The following DLG4 variants were observed in gnomAD, a reference collection of about 807,000 sequenced individuals.
DLG4 encodes discs large MAGUK scaffold protein 4.
Under a neutral mutation model 93.8 loss-of-function variants are expected in DLG4, and 7 were observed. That is an observed-to-expected ratio of 0.07 (90% CI 0.04 to 0.14). DLG4 has a LOEUF of 0.14. DLG4 is among the 10% of genes least tolerant of loss of function. The probability of loss-of-function intolerance (pLI) is 1.00; values close to 1 mark genes in which losing one functional copy is unlikely to be tolerated. For synonymous variants in DLG4, 341 were observed against 387.6 expected, an observed-to-expected ratio of 0.88 and a Z score of 1.41; for missense variants, 545 against 992.9, an observed-to-expected ratio of 0.55 and a Z score of 6.06.
At chr17:7,219,488 G>T, upstream of DLG4, 4 of 1,041,256 alleles carry the variant, frequency 3.8e-6, no homozygotes, top group Non-Finnish European at 4.6e-6. Flanking sequence ...ACCCTAGCTT[G>T]GGTGCCCCCC....
At chr17:7,219,601 C>G, upstream of DLG4, 1 of 1,174,442 alleles carries the variant, frequency 8.5e-7, no homozygotes, top group South Asian at 1.9e-5. Context: ...TTACACTTCT[C>G]TTTCCCTACT....
At position 7,208,295 on chromosome 17, in the gene DLG4, C is replaced by T. The variant is rs2070570562; in HGVS notation, c.31-56G>A. On this transcript the variant is annotated intron_variant, in intron 1 of 19. Transcript: ENST00000399506. The surrounding 1 kb of genome is among the most constrained non-coding windows in gnomAD (Gnocchi z 5.4). ...CCAGCCCGGTGCCTCAGGCTCCAGG[C>T]TGGCCGCCCTGGCCGCCGCCTCTTC... The T allele has an allele frequency of 2.3e-6, 3 of 1,290,088 alleles. No individual in the cohort carries two copies. The highest frequency in any genetic ancestry group is 9.9e-7 in the Non-Finnish European group (1 of 1,007,042). The allele number at this position is 1,290,088 out of a possible 1,614,324, so 79.9% of individuals were successfully genotyped here. A position where few individuals can be genotyped will look rare whatever the true frequency, so the allele number is the denominator to read the frequency against.
intron 8 of DLG4, chr17:7,202,582 A>T: frequency 2.1e-6 from 1 of 477,782 alleles, no homozygotes; most frequent in Non-Finnish European, 3.7e-6. Context: ...CTGGCCTTAT[A>T]AAATGAAATG....
chr17:7,219,590 C>T, upstream of DLG4: 1 of 1,162,222 alleles, frequency 8.6e-7, no homozygotes, highest in South Asian at 1.9e-5. Context: ...TGCCATCTAC[C>T]TTACACTTCT....
At chr17:7,198,372 A>G (rs1231053891) in intron 8 of DLG4, among the ~76,000 whole-genome samples, 1 of 151,776 alleles carries the variant, frequency 6.6e-6, no homozygotes, top group Non-Finnish European at 1.5e-5. Context: ...AATCTCAGGT[A>G]CTCGGGAGGC....
In DLG4 at chr17:7,217,103, C is replaced by A; in HGVS notation, c.30+15G>T. 1 of 1,287,432 alleles carries A rather than the reference C, an allele frequency of 7.8e-7. No homozygotes were observed. The highest frequency in any genetic ancestry group is 1.5e-5 in the African/African-American group (1 of 65,042). 79.8% of individuals were successfully genotyped at this position (1,287,432 alleles called of 1,614,324 possible). A position where few individuals can be genotyped will look rare whatever the true frequency, so the allele number is the denominator to read the frequency against. ...ATACCCTCCCCCCAGTTTATAGCCC[C>A]CCCATCATGCTTACCTTGGTTGTCA... On this transcript the variant is annotated intron_variant, in intron 1 of 19. Coordinates refer to ENST00000399506, the MANE Select transcript of DLG4 (RefSeq NM_001321075.3).
chr17:7,218,985 G>A, upstream of DLG4: 1 of 882,522 alleles, frequency 1.1e-6, no homozygotes, highest in Non-Finnish European at 1.8e-6. Context: ...AGGTCCCAAG[G>A]CACCAGCACC....
chr17:7,199,565 C>T (rs1417287494), intron 8 of DLG4, among the ~76,000 whole-genome samples: 1 of 152,032 alleles, frequency 6.6e-6, no homozygotes, highest in African/African-American at 2.4e-5. Flanking sequence ...TTTCACTGGA[C>T]AGTAGAAGCA....
rs1044980757 is a variant in DLG4, at chr17:7,195,804, C to T, written c.1301+416G>A. 2.6e-5 allele frequency among the ~76,000 whole-genome samples: 4 copies of T among 152,136 alleles called. No individual in the cohort carries two copies. In the South Asian group the frequency reaches 6.2e-4, roughly 24 times the overall value. On this transcript the variant is annotated intron_variant, in intron 11 of 19. Transcript: ENST00000399506. The surrounding 1 kb of genome is among the most constrained non-coding windows in gnomAD (Gnocchi z 4.3). ...GAGCCCTAAGAGGGGAGCAAAATGCCGCTGGAGAGACGGGGGCAGGCACCA... is the reference window on the plus strand; with the variant it reads ...GAGCCCTAAGAGGGGAGCAAAATGCTGCTGGAGAGACGGGGGCAGGCACCA...
At chr17:7,206,439 C>G (rs1018603177) in intron 2 of DLG4, among the ~76,000 whole-genome samples, 1 of 151,920 alleles carries the variant, frequency 6.6e-6, no homozygotes, top group African/African-American at 2.4e-5. Context: ...ATGCTTATGG[C>G]CTCCAACACT....
In DLG4 at chr17:7,217,580, A is replaced by C; in HGVS notation, c.-433T>G. ...GTGGGGTGGGGGGGTTGGAAACGGC[A>C]GCGGCCGAGGGAGCCGTGGAGCCGA... On this transcript the variant is annotated 5_prime_UTR_variant, in exon 1 of 20. Transcript: ENST00000399506. The C allele has an allele frequency of 7.8e-7, 1 of 1,289,134 alleles. No homozygotes were observed. Among genetic ancestry groups the C allele is most frequent in the Non-Finnish European group, 1.0e-6 (1 of 1,004,084 alleles). The allele number at this position is 1,289,134 out of a possible 1,614,324, so 79.9% of individuals were successfully genotyped here.
At chr17:7,219,366 T>A, upstream of DLG4, 1 of 1,006,410 alleles carries the variant, frequency 9.9e-7, no homozygotes, top group Non-Finnish European at 1.2e-6. Flanking sequence ...CTCAGAGGCT[T>A]TACTAAGGGA....
chr17:7,204,385 T>G, intron 2 of DLG4, 133 bp from the exon 3 acceptor site: 1 of 802,534 alleles, frequency 1.2e-6, no homozygotes, highest in Non-Finnish European at 2.0e-6. Flanking sequence ...TGAGAGCTGC[T>G]CAAGGGCCCA....
rs2069512056 is a variant in DLG4, at chr17:7,191,777, G to A, written c.1976+116C>T. On this transcript the variant is annotated intron_variant, in intron 18 of 19. Coordinates refer to ENST00000399506, the MANE Select transcript of DLG4 (RefSeq NM_001321075.3). This position sits in a 1 kb window ranked among gnomAD's most constrained non-coding sequence, Gnocchi z 6.6. ...CTGGGTTCCAGGGATCCCCCTCAGGGGCTGCTGAAACCGCTGTCCAGGGTT... is the reference window on the plus strand; with the variant it reads ...CTGGGTTCCAGGGATCCCCCTCAGGAGCTGCTGAAACCGCTGTCCAGGGTT... 2.8e-6 allele frequency: 2 copies of A among 726,444 alleles called. No homozygotes were observed. Among genetic ancestry groups the A allele is most frequent in the African/African-American group, 3.5e-5 (2 of 56,940 alleles). 45.0% of individuals were successfully genotyped at this position (726,444 alleles called of 1,614,324 possible). A position where few individuals can be genotyped will look rare whatever the true frequency, so the allele number is the denominator to read the frequency against.
chr17:7,218,295 A>G (rs778218544), upstream of DLG4: 4 of 1,606,704 alleles, frequency 2.5e-6, no homozygotes, highest in South Asian at 1.1e-5. Flanking sequence ...TCACAGGAAC[A>G]GAACTGAGTT....
Position 7,217,102 on chromosome 17 carries a change from C to T in DLG4, c.30+16G>A. On this transcript the variant is annotated intron_variant, in intron 1 of 19. Transcript: ENST00000399506. The stretch of plus-strand genomic sequence containing the variant: ...CATACCCTCCCCCCAGTTTATAGCC[C>T]CCCCATCATGCTTACCTTGGTTGTC... The T allele has an allele frequency of 7.8e-7, 1 of 1,286,930 alleles. No homozygotes were observed. The highest frequency in any genetic ancestry group is 9.9e-7 in the Non-Finnish European group (1 of 1,015,140). 79.7% of individuals were successfully genotyped at this position (1,286,930 alleles called of 1,614,324 possible). A position where few individuals can be genotyped will look rare whatever the true frequency, so the allele number is the denominator to read the frequency against.
chr17:7,205,809 G>A (rs428810), intron 2 of DLG4, among the ~76,000 whole-genome samples: 10 of 126,982 alleles, frequency 7.9e-5, no homozygotes, highest in Non-Finnish European at 1.5e-4. Context: ...CCCGCAGCCC[G>A]TCCTCCATCC....
At position 7,208,558 on chromosome 17, in the gene DLG4, T is replaced by C. The variant is rs2070585540; in HGVS notation, c.31-319A>G. On this transcript the variant is annotated intron_variant, in intron 1 of 19. Transcript: ENST00000399506. The surrounding 1 kb of genome is among the most constrained non-coding windows in gnomAD (Gnocchi z 5.4). ...CTCTGGCATCTGTGTCTTCACCCCT[T>C]TCCCCACCACCTTCATCTTCGAGTC... 6.6e-6 allele frequency among the ~76,000 whole-genome samples: 1 copy of C among 152,036 alleles called. No homozygotes were observed. Among genetic ancestry groups the C allele is most frequent in the Non-Finnish European group, 1.5e-5 (1 of 67,990 alleles).
At chr17:7,190,960 CCT>C in intron 19 of DLG4, 146 bp from the exon 20 acceptor site, 13 of 567,706 alleles carry the variant, frequency 2.3e-5, no homozygotes, top group South Asian at 4.3e-5. Flanking sequence ...CACAGGGGCA[CCT>C]CTTTTTTTTT....
Sources: gnomAD v4.1 joint callset for allele counts (sites outside exome capture counted in the v4.1 genomes callset) on GRCh38, gnomAD v4.1.1 for gene constraint, Gnocchi (gnomAD v3.1) non-coding constraint, MANE v1.5 for transcripts, NCBI Gene and HGNC (gene_info 2026-07-23, HGNC 2026-07-21) for gene names.